NMT1: variants seen among roughly 807,000 people sequenced by gnomAD.
The protein encoded by NMT1 is glycylpeptide N-tetradecanoyltransferase 1.
NMT1 carries 12 observed loss-of-function variants against 63.4 expected under a neutral mutation model. The ratio of observed to expected loss-of-function variants is 0.19; its 90% CI spans 0.12 to 0.31. The LOEUF (loss-of-function observed/expected upper bound fraction) is 0.31, where lower values mean the gene tolerates loss of function less well. NMT1 is among the 10% of genes least tolerant of loss of function. The pLI, the probability that NMT1 is intolerant of heterozygous loss-of-function variation, is 1.00. For synonymous variants in NMT1, 228 were observed against 234.3 expected (o/e 0.97, Z 0.25); for missense variants, 432 against 634.6 (o/e 0.68, Z 3.43).
chr17:45,093,928 T>A, intron 4 of NMT1, 125 bp downstream of exon 4: 1 of 698,664 alleles, frequency 1.4e-6, no homozygotes, highest in Non-Finnish European at 2.4e-6. Context: ...CTGAACAGAC[T>A]CCCGTCTGTA....
intron 1 of NMT1, among the ~76,000 whole-genome samples, chr17:45,068,040 C>G (rs2053914051): frequency 6.6e-6 from 1 of 152,178 alleles, no homozygotes; most frequent in South Asian, 2.1e-4. Context: ...TTCTTTAACT[C>G]TTTCTCTTCA....
Position 45,103,559 on chromosome 17 carries a change from C to T in NMT1, c.1165-150C>T. On this transcript the variant is annotated intron_variant, in intron 9 of 11. Coordinates refer to ENST00000258960, the MANE Select transcript of NMT1 (RefSeq NM_021079.5). The surrounding 1 kb of genome is among the most constrained non-coding windows in gnomAD (Gnocchi z 4.8). ...CCTCAAGTGCCCTGAGCCAATGTCC[C>T]TCCTCCTCCCCACATGTCCTGTTGC... 1.2e-6 allele frequency: 1 copy of T among 813,214 alleles called. No homozygotes were observed. The highest frequency in any genetic ancestry group is 1.7e-5 in the South Asian group (1 of 59,466). The allele number at this position is 813,214 out of a possible 1,614,324, so 50.4% of individuals were successfully genotyped here.
At chr17:45,096,372 G>A in intron 5 of NMT1, 87 bp downstream of exon 5, 1 of 1,048,518 alleles carries the variant, frequency 9.5e-7, no homozygotes, top group African/African-American at 1.6e-5. Flanking sequence ...ATCCCTGCCA[G>A]GGGCCAACCT....
chr17:45,079,485 A>G (rs905170475), intron 1 of NMT1, among the ~76,000 whole-genome samples: 3 of 152,328 alleles, frequency 2.0e-5, no homozygotes, highest in African/African-American at 4.8e-5. Context: ...TCAAGGCAGC[A>G]GGATCACTCA....
intron 8 of NMT1, among the ~76,000 whole-genome samples, chr17:45,100,919 C>A (rs925807866): frequency 7.4e-6 from 1 of 136,016 alleles, no homozygotes; most frequent in African/African-American, 2.7e-5. Context: ...CGGTGGCTCA[C>A]ACCTGTAATC....
At chr17:45,090,471 A>G (rs554036453) in intron 3 of NMT1, among the ~76,000 whole-genome samples, 1 of 152,224 alleles carries the variant, frequency 6.6e-6, no homozygotes, top group East Asian at 1.9e-4. Flanking sequence ...GTCTTTGGTC[A>G]GTGGAATGCA....
intron 1 of NMT1, among the ~76,000 whole-genome samples, chr17:45,071,276 C>G (rs58836711): frequency 1.4e-3 from 206 of 152,220 alleles, no homozygotes; most frequent in African/African-American, 4.8e-3. Flanking sequence ...ACTCTGTCAC[C>G]CAGATCGTAG....
chr17:45,065,687 C>G (rs578151615), intron 1 of NMT1, among the ~76,000 whole-genome samples: 61 of 151,064 alleles, frequency 4.0e-4, no homozygotes, highest in African/African-American at 1.4e-3. Context: ...TGCTGTGGAG[C>G]TTTCCACTGT....
chr17:45,078,720 T>A (rs1350328474), intron 1 of NMT1, among the ~76,000 whole-genome samples: 1 of 152,094 alleles, frequency 6.6e-6, no homozygotes, highest in Non-Finnish European at 1.5e-5. Flanking sequence ...GGAGTATAGT[T>A]GTGCGATTTT....
At chr17:45,092,569 G>C (rs2054095567) in intron 3 of NMT1, among the ~76,000 whole-genome samples, 1 of 151,516 alleles carries the variant, frequency 6.6e-6, no homozygotes, top group Non-Finnish European at 1.5e-5. Context: ...AAATTAGCCA[G>C]CGTGGTGGCG....
In NMT1 at chr17:45,103,116, G is replaced by A; in HGVS notation, c.1159G>A (p.Val387Met). 6.2e-7 allele frequency: 1 copy of A among 1,607,484 alleles called. No homozygotes were observed. The highest frequency in any genetic ancestry group is 8.5e-7 in the Non-Finnish European group (1 of 1,174,448). The change falls in exon 9 of 12, where the codon GTG becomes ATG. Residue 387 changes from valine to methionine, a missense_variant. Transcript: ENST00000258960. This position sits in a 1 kb window ranked among gnomAD's most constrained non-coding sequence, Gnocchi z 4.8. ...PQENIIDTFV[V>M]ENANGEVTDF... Reference sequence around the variant, plus strand: ...GGAGAATATCATCGACACTTTCGTGGTGGAGGTGAGTCAGGGAGTGGTGTT... The same window carrying A: ...GGAGAATATCATCGACACTTTCGTGATGGAGGTGAGTCAGGGAGTGGTGTT...
chr17:45,061,681 A>G (rs1313864701), intron 1 of NMT1: 2 of 495,396 alleles, frequency 4.0e-6, no homozygotes, highest in Non-Finnish European at 7.2e-6. Context: ...TTATTATATA[A>G]AAGTTCTATG....
At chr17:45,079,262 G>A (rs1053716032) in intron 1 of NMT1, among the ~76,000 whole-genome samples, 2 of 151,822 alleles carry the variant, frequency 1.3e-5, no homozygotes, top group Non-Finnish European at 2.9e-5. Flanking sequence ...ATGCCTCCAC[G>A]CCTGGCTAAT....
At chr17:45,065,730 ATG>A (rs2053898695) in intron 1 of NMT1, among the ~76,000 whole-genome samples, 1 of 152,006 alleles carries the variant, frequency 6.6e-6, no homozygotes. Context: ...GCTTCTTGAA[ATG>A]TTTTTTGTCT....
intron 5 of NMT1, 126 bp downstream of exon 5, chr17:45,096,411 G>A: frequency 1.3e-6 from 1 of 741,974 alleles, no homozygotes; most frequent in Non-Finnish European, 2.4e-6. Flanking sequence ...TGTCATTTTT[G>A]AGTTCCTGCA....
At chr17:45,065,058 CAT>C (rs564147381) in intron 1 of NMT1, among the ~76,000 whole-genome samples, 141 of 152,182 alleles carry the variant, frequency 9.3e-4, no homozygotes, top group South Asian at 5.6e-3. Context: ...AATATAACTA[CAT>C]GTTTGGTAAT....
chr17:45,086,428 C>G (rs2143490775), intron 2 of NMT1, 80 bp from the exon 3 acceptor site: 4 of 1,436,988 alleles, frequency 2.8e-6, no homozygotes, highest in Non-Finnish European at 3.7e-6. Flanking sequence ...CCCAGCTCCC[C>G]TTAACTCTTG....
At chr17:45,069,908 GGTGAGATTTCTGCCAGCA>G (rs1452621256) in intron 1 of NMT1, among the ~76,000 whole-genome samples, 1 of 151,796 alleles carries the variant, frequency 6.6e-6, no homozygotes, top group African/African-American at 2.4e-5. Flanking sequence ...CATTCTAGTA[GGTGAGATTTCTGCCAGCA>G]TTGAGCCACT....
rs1445179731 is a variant in NMT1 at position 45,102,998 on chromosome 17, A to G, written c.1041A>G (p.Pro347=). The G allele has an allele frequency of 6.2e-7, 1 of 1,614,104 alleles. No individual in the cohort carries two copies. The highest frequency in any genetic ancestry group is 1.7e-5 in the Admixed American group (1 of 60,014). The change falls in exon 9 of 12, where the codon CCA becomes CCG. Residue 347 remains proline, a synonymous_variant. Transcript: ENST00000258960. Reference sequence around the variant, plus strand: ...GACCAATGGAAACAAAGGACATTCCAGTAGTGCACCAGCTCCTCACCAGGT... The same window carrying G: ...GACCAATGGAAACAAAGGACATTCCGGTAGTGCACCAGCTCCTCACCAGGT... ...GLRPMETKDI[P]VVHQLLTRYL...
Sources: gnomAD v4.1 joint callset for allele counts (sites outside exome capture counted in the v4.1 genomes callset) on GRCh38, gnomAD v4.1.1 for gene constraint, Gnocchi (gnomAD v3.1) non-coding constraint, MANE v1.5 for transcripts, NCBI Gene and HGNC (gene_info 2026-07-23, HGNC 2026-07-21) for gene names.